The following OSBPL1A variants were observed in gnomAD, a reference collection of about 807,000 sequenced individuals.
OSBPL1A encodes the protein oxysterol binding protein like 1A.
A neutral mutation model predicts 137.1 loss-of-function variants in OSBPL1A; 80 were observed. The observed-to-expected ratio is 0.58, with a 90% CI of 0.49 to 0.70. The LOEUF (loss-of-function observed/expected upper bound fraction) is 0.70, where lower values mean the gene tolerates loss of function less well. Ranked by LOEUF, OSBPL1A falls within the 30% of genes least tolerant of loss-of-function variation. The pLI, the probability that OSBPL1A is intolerant of heterozygous loss-of-function variation, is 0.00. For missense variants in OSBPL1A, 970 were observed against 1,129.4 expected (o/e 0.86, Z 2.02); for synonymous variants, 365 against 389.7 (o/e 0.94, Z 0.75).
intron 4 of OSBPL1A, among the ~76,000 whole-genome samples, chr18:24,354,312 A>G (rs535757311): frequency 2.0e-5 from 3 of 152,150 alleles, no homozygotes; most frequent in Non-Finnish European, 4.4e-5. Flanking sequence ...AAGACTAGCA[A>G]CTACTGAGAA....
intron 15 of OSBPL1A, among the ~76,000 whole-genome samples, chr18:24,248,132 G>A (rs2088959143): frequency 6.6e-6 from 1 of 152,198 alleles, no homozygotes; most frequent in South Asian, 2.1e-4. Flanking sequence ...ATGGTGCACA[G>A]ATTCAGATAG....
At chr18:24,249,884 C>T (rs578156067) in intron 15 of OSBPL1A, among the ~76,000 whole-genome samples, 1 of 152,268 alleles carries the variant, frequency 6.6e-6, no homozygotes, top group South Asian at 2.1e-4. Flanking sequence ...GGGCTGACAG[C>T]CAGAGGACTA....
intron 27 of OSBPL1A, among the ~76,000 whole-genome samples, chr18:24,164,559 T>G (rs1039907082): frequency 4.6e-5 from 7 of 151,526 alleles, no homozygotes; most frequent in Admixed American, 3.9e-4. Context: ...CTCCTGAATA[T>G]CTGGGACTAC....
At position 24,325,086 on chromosome 18, in the gene OSBPL1A, G is replaced by A. The variant is rs911071898; in HGVS notation, c.626-6277C>T. ...GGGTGACAGAGCGAGACTCAGTATCGAAACAAAAAAAAGAAAGAAAGAAAG... is the reference window on the plus strand; with the variant it reads ...GGGTGACAGAGCGAGACTCAGTATCAAAACAAAAAAAAGAAAGAAAGAAAG... On this transcript the variant is annotated intron_variant, in intron 7 of 27. Coordinates refer to ENST00000319481, the MANE Select transcript of OSBPL1A (RefSeq NM_080597.4). Among the ~76,000 whole-genome samples the A allele has an allele frequency of 2.1e-5, 3 of 143,366 alleles. No homozygotes were observed. The East Asian group carries it at 6.0e-4, about 29-fold the overall frequency. The allele number at this position is 143,366 out of a possible 152,430, so 94.1% of individuals were successfully genotyped here. A position where few individuals can be genotyped will look rare whatever the true frequency, so the allele number is the denominator to read the frequency against.
intron 18 of OSBPL1A, among the ~76,000 whole-genome samples, chr18:24,184,599 CAG>C (rs1318346691): frequency 6.6e-6 from 1 of 152,156 alleles, no homozygotes. Flanking sequence ...AGAATTTGAT[CAG>C]AGATTAGATT....
At position 24,196,180 on chromosome 18, in the gene OSBPL1A, A is replaced by G; in HGVS notation, c.1622T>C (p.Met541Thr). 2 of 1,610,630 alleles carry G rather than the reference A, an allele frequency of 1.2e-6. No homozygotes were observed. Among genetic ancestry groups the G allele is most frequent in the South Asian group, 1.1e-5 (1 of 91,002 alleles). ...KKHRTSLPSP[M>T]FSRNDFSIWS... is the part of the protein sequence containing the mutation. ...GATACTGAAGTCATTTCTGGAAAAC[A>G]TAGGAGAAGGCAAACTTGTTCTGAA... is the stretch of plus-strand genomic sequence containing the variant. Residue 541 changes from methionine (M) to threonine (T), a missense_variant, in exon 18 of 28, where the codon ATG becomes ACG. Met to Thr is a moderately conservative substitution (Grantham distance 81). This residue lies in a region of OSBPL1A where 647 missense variants were observed against 672.6 expected (regional missense o/e 0.96). Transcript: ENST00000319481.
At chr18:24,279,683 G>GA (rs1209082881) in intron 15 of OSBPL1A, among the ~76,000 whole-genome samples, 2 of 152,044 alleles carry the variant, frequency 1.3e-5, no homozygotes, top group Non-Finnish European at 2.9e-5. Context: ...TAGTGACCTT[G>GA]ACTTACATTG....
Position 24,187,026 on chromosome 18 carries a change from A to C in OSBPL1A, c.1678-5747T>G, listed in dbSNP as rs906112953. ...CAATACACACATTTGCACTGATGCT[A>C]GTCATAAAATGGATAAGGAAAAATT... is the stretch of plus-strand genomic sequence containing the variant. On this transcript the variant is annotated intron_variant, in intron 18 of 27. Transcript: ENST00000319481. Among the ~76,000 whole-genome samples the C allele has an allele frequency of 2.0e-5, 3 of 152,264 alleles. No homozygotes were observed. The East Asian group carries it at 5.8e-4, about 29-fold the overall frequency.
At chr18:24,204,193 T>C (rs971072475) in intron 17 of OSBPL1A, among the ~76,000 whole-genome samples, 6 of 152,186 alleles carry the variant, frequency 3.9e-5, no homozygotes, top group Admixed American at 6.6e-5. Context: ...CAGAAAGAGT[T>C]GGTGTTAACA....
rs796416334 is a variant in OSBPL1A at position 24,167,276 on chromosome 18, G to A, written c.2535+53C>T. ...GACCCTACACGTGCCAGGAAAGAGC[G>A]CCACAATGCTAAACACAGACAGTGA... is the stretch of plus-strand genomic sequence containing the variant. On this transcript the variant is annotated intron_variant, in intron 25 of 27. Transcript: ENST00000319481. The A allele has an allele frequency of 6.6e-6, 10 of 1,514,458 alleles. No homozygotes were observed. The East Asian group carries it at 1.4e-4, about 21-fold the overall frequency. 93.8% of individuals were successfully genotyped at this position (1,514,458 alleles called of 1,614,324 possible).
intron 1 of OSBPL1A, among the ~76,000 whole-genome samples, chr18:24,379,278 G>A (rs1286354742): frequency 1.3e-5 from 2 of 152,164 alleles, no homozygotes; most frequent in Admixed American, 6.5e-5. Flanking sequence ...CCAGCACTTT[G>A]AGAGGCCGAG....
At chr18:24,238,320 A>T (rs564418120) in intron 16 of OSBPL1A, among the ~76,000 whole-genome samples, 1 of 148,982 alleles carries the variant, frequency 6.7e-6, no homozygotes, top group South Asian at 2.1e-4. Context: ...CCATACAACA[A>T]TTAATTTTTC....
At chr18:24,341,950 A>G (rs2091280474) in intron 4 of OSBPL1A, among the ~76,000 whole-genome samples, 2 of 152,242 alleles carry the variant, frequency 1.3e-5, no homozygotes. Flanking sequence ...AATTAAATGT[A>G]TTAGTAAACA....
At chr18:24,288,682 C>T (rs963697399) in intron 14 of OSBPL1A, among the ~76,000 whole-genome samples, 2 of 151,228 alleles carry the variant, frequency 1.3e-5, no homozygotes, top group South Asian at 2.1e-4. Flanking sequence ...GCAGGAGAAT[C>T]ACTTAAACCT....
intron 18 of OSBPL1A, among the ~76,000 whole-genome samples, chr18:24,195,288 CCT>C (rs997504178): frequency 4.0e-5 from 6 of 151,530 alleles, no homozygotes; most frequent in Admixed American, 3.3e-4. Flanking sequence ...GTAATGAGCC[CCT>C]GTCTCAAAAA....
At chr18:24,273,219 T>C (rs1214357938) in intron 15 of OSBPL1A, among the ~76,000 whole-genome samples, 2 of 152,248 alleles carry the variant, frequency 1.3e-5, no homozygotes, top group Non-Finnish European at 2.9e-5. Flanking sequence ...CATGGCATCT[T>C]TGAAAAGTCA....
rs1475231956 is a variant in OSBPL1A, at chr18:24,170,754, C to T, written c.2292-301G>A. 4 of 292,862 alleles carry T rather than the reference C, an allele frequency of 1.4e-5. No homozygotes were observed. In the East Asian group the frequency reaches 3.3e-4, roughly 24 times the overall value. 18.1% of individuals were successfully genotyped at this position (292,862 alleles called of 1,614,324 possible). ...CTCAACCTCCTGGGCTCAAGGGTTC[C>T]TCCCACCTCAGCCTCCAGAGTAACT... On this transcript the variant is annotated intron_variant, in intron 23 of 27. Transcript: ENST00000319481.
intron 5 of OSBPL1A, among the ~76,000 whole-genome samples, chr18:24,338,032 A>G (rs907653027): frequency 1.1e-4 from 17 of 151,782 alleles, no homozygotes; most frequent in African/African-American, 4.1e-4. Flanking sequence ...TGTTTACTGC[A>G]GTATTCTTGA....
intron 2 of OSBPL1A, among the ~76,000 whole-genome samples, chr18:24,369,884 C>T (rs114343950): frequency 1.3e-5 from 2 of 152,276 alleles, no homozygotes; most frequent in African/African-American, 2.4e-5. Context: ...CCCCATCCCC[C>T]CTGTCCCTCA....
Sources: gnomAD v4.1 joint callset for allele counts (sites outside exome capture counted in the v4.1 genomes callset) on GRCh38, gnomAD v4.1.1 for gene constraint, gnomAD v4.1.1 regional missense constraint, MANE v1.5 for transcripts, NCBI Gene and HGNC (gene_info 2026-07-23, HGNC 2026-07-21) for gene names.